MED13: variants seen among roughly 807,000 people sequenced by gnomAD.
MED13 encodes mediator of RNA polymerase II transcription subunit 13.
MED13 carries 23 observed loss-of-function variants against 225.2 expected under a neutral mutation model. The observed-to-expected ratio is 0.10, with a 90% CI of 0.07 to 0.14. The LOEUF is 0.14. MED13 is among the 10% of genes least tolerant of loss of function. The pLI is 1.00. For missense variants in MED13, 2,197 were observed against 2,594.5 expected (o/e 0.85, Z 3.33); for synonymous variants, 942 against 889.2 (o/e 1.06, Z -1.06).
At chr17:62,012,983 G>C (rs2080526475) in intron 8 of MED13, among the ~76,000 whole-genome samples, 1 of 151,870 alleles carries the variant, frequency 6.6e-6, no homozygotes, top group Non-Finnish European at 1.5e-5. Context: ...AGTAGAGACG[G>C]GGTTTCACCA....
At chr17:62,007,852 A>C (rs2080466256) in intron 9 of MED13, among the ~76,000 whole-genome samples, 1 of 151,702 alleles carries the variant, frequency 6.6e-6, no homozygotes, top group South Asian at 2.1e-4. Context: ...CGTCTCAAAA[A>C]ATAAAAAACA....
chr17:62,035,669 TTTTC>T, intron 3 of MED13, 61 bp from the exon 4 acceptor site: 1 of 1,500,434 alleles, frequency 6.7e-7, no homozygotes, highest in Non-Finnish European at 8.9e-7. Flanking sequence ...GTTAACTTGC[TTTTC>T]TTTATTAGGA....
chr17:61,993,674 A>G (rs2080322002), intron 10 of MED13, among the ~76,000 whole-genome samples: 1 of 151,484 alleles, frequency 6.6e-6, no homozygotes, highest in African/African-American at 2.4e-5. Flanking sequence ...TCACGCCTGT[A>G]ATCCCAGCAC....
intron 8 of MED13, among the ~76,000 whole-genome samples, chr17:62,021,254 AGT>A (rs2080641263): frequency 2.0e-5 from 3 of 149,062 alleles, no homozygotes; most frequent in African/African-American, 7.4e-5. Flanking sequence ...CTCACTTCCC[AGT>A]AGGGGCGGCC....
At chr17:61,956,221 TG>T in intron 24 of MED13, 117 bp downstream of exon 24, 1 of 1,000,714 alleles carries the variant, frequency 1.0e-6, no homozygotes, top group Admixed American at 2.8e-5. Flanking sequence ...TAGACATATG[TG>T]GTTCCTTATT....
intron 2 of MED13, among the ~76,000 whole-genome samples, chr17:62,062,866 G>A (rs1441832781): frequency 6.6e-6 from 1 of 152,032 alleles, no homozygotes; most frequent in Non-Finnish European, 1.5e-5. Context: ...AGTCATTCAC[G>A]CCTTAAAAAC....
chr17:61,983,855 A>C (rs1417048375), intron 15 of MED13, among the ~76,000 whole-genome samples: 2 of 151,858 alleles, frequency 1.3e-5, no homozygotes, highest in Non-Finnish European at 2.9e-5. Context: ...CAGCCTCCCA[A>C]GTAGCTGGGA....
chr17:61,986,962 T>C (rs2080253012), intron 12 of MED13, 45 bp downstream of exon 12: 1 of 1,339,332 alleles, frequency 7.5e-7, no homozygotes, highest in Non-Finnish European at 9.9e-7. Context: ...AATAATAAAA[T>C]CAAGGAAAAC....
chr17:62,061,305 G>T (rs2081037191), intron 2 of MED13, among the ~76,000 whole-genome samples: 1 of 151,790 alleles, frequency 6.6e-6, no homozygotes, highest in Non-Finnish European at 1.5e-5. Flanking sequence ...GATCACTAGA[G>T]TTCAGGAGTT....
chr17:61,952,804 T>G (rs2079907785), intron 27 of MED13, among the ~76,000 whole-genome samples, 161 bp downstream of exon 27: 2 of 152,098 alleles, frequency 1.3e-5, no homozygotes, highest in African/African-American at 4.8e-5. Flanking sequence ...ACCCGGCTAT[T>G]TTTTACATTT....
intron 8 of MED13, among the ~76,000 whole-genome samples, chr17:62,011,745 C>A (rs2080511277): frequency 6.6e-6 from 1 of 152,160 alleles, no homozygotes; most frequent in Admixed American, 6.6e-5. Context: ...CTAGAATTGA[C>A]TGATTGATGG....
chr17:62,033,998 G>T lies in MED13; in HGVS notation c.617-14C>A. ...GGCATAAGATAACTAGAAACCCAAA[G>T]CAGACATCAAATAAGTAACAAAAGA... is the stretch of plus-strand genomic sequence containing the variant. On this transcript the variant is annotated splice_polypyrimidine_tract_variant and intron_variant, in intron 4 of 29. Coordinates refer to ENST00000397786, the MANE Select transcript of MED13 (RefSeq NM_005121.3). 6.2e-7 allele frequency: 1 copy of T among 1,607,814 alleles called. No homozygotes were observed. Among genetic ancestry groups the T allele is most frequent in the Non-Finnish European group, 8.5e-7 (1 of 1,175,796 alleles).
Position 61,984,175 on chromosome 17 carries a change from C to T in MED13, c.2884G>A (p.Glu962Lys). Reference sequence around the variant, plus strand: ...TTGTAACAACATAAATCATACCCCTCTTTGATGAATGGCATTGAAGGCCCT... The same window carrying T: ...TTGTAACAACATAAATCATACCCCTTTTTGATGAATGGCATTGAAGGCCCT... The part of the protein sequence containing the change: ...SSGPSMPFIK[E>K]GDGSNMDQEY... The change falls in exon 15 of 30, where the codon GAG becomes AAG. Residue 962 changes from glutamate (E) to lysine (K), a missense_variant. By Grantham distance (56) the Glu-to-Lys change is moderately conservative. This residue lies in a region of MED13 where 160 missense variants were observed against 184.8 expected (regional missense o/e 0.87). Transcript: ENST00000397786. 1 of 1,557,268 alleles carries T rather than the reference C, an allele frequency of 6.4e-7. No individual in the cohort carries two copies.
chr17:61,966,324 T>C (rs930481140), intron 19 of MED13, 138 bp downstream of exon 19: 34 of 695,626 alleles, frequency 4.9e-5, no homozygotes, highest in African/African-American at 4.7e-4. Flanking sequence ...GCTCCAATGT[T>C]GTAGCACAAA....
Position 61,985,076 on chromosome 17 carries a change from T to C in MED13, c.2400A>G (p.Lys800=), listed in dbSNP as rs1181921133. ...CTTTATCATCTGATCCATTTGCTGA[T>C]TTTTTAGATCCAGGCTATTTAAAAA... ...DEDELTPGSK[K]SANGSDDKAS... The change falls in exon 13 of 30, where the codon AAA becomes AAG. Residue 800 remains lysine (K), a synonymous_variant. Transcript: ENST00000397786. 1.2e-6 allele frequency: 2 copies of C among 1,613,194 alleles called. No homozygotes were observed. Among genetic ancestry groups the C allele is most frequent in the African/African-American group, 2.7e-5 (2 of 74,898 alleles).
intron 11 of MED13, among the ~76,000 whole-genome samples, chr17:61,989,016 T>TC (rs1227856085): frequency 9.7e-6 from 1 of 102,604 alleles, no homozygotes; most frequent in East Asian, 2.3e-4. Flanking sequence ...GAATCCAGCT[T>TC]TTTTTTTTTT....
At chr17:61,960,781 A>G in intron 23 of MED13, 86 bp downstream of exon 23, 1 of 957,050 alleles carries the variant, frequency 1.0e-6, no homozygotes, top group Non-Finnish European at 1.5e-6. Context: ...TATATATAAA[A>G]CCTTCAAACT....
In MED13 at chr17:62,017,019, T is replaced by TATA. The variant is rs971439733; in HGVS notation, c.1284-5789_1284-5787dup. On this transcript the variant is annotated intron_variant, in intron 8 of 29. Coordinates refer to ENST00000397786, the MANE Select transcript of MED13 (RefSeq NM_005121.3). ...GAATGAGACTCCACCTCAAAAAATATATAATAATAATAATAAATAAATAAA... is the reference window on the plus strand; with the variant it reads ...GAATGAGACTCCACCTCAAAAAATATATAATAATAATAATAATAAATAAATAAA... Among the ~76,000 whole-genome samples the TATA allele has an allele frequency of 1.1e-4, 17 of 150,144 alleles. No individual in the cohort carries two copies. The East Asian group carries it at 1.2e-3, about 10-fold the overall frequency.
At chr17:62,015,867 A>ATG (rs754140011) in intron 8 of MED13, among the ~76,000 whole-genome samples, 11,963 of 77,002 alleles carry the variant, frequency 0.16, 1,628 homozygotes, top group East Asian at 0.35. Flanking sequence ...TATAGTGTGT[A>ATG]TGTGTGTGTG....
Sources: gnomAD v4.1 joint callset for allele counts (sites outside exome capture counted in the v4.1 genomes callset) on GRCh38, gnomAD v4.1.1 for gene constraint, gnomAD v4.1.1 regional missense constraint, MANE v1.5 for transcripts, NCBI Gene and HGNC (gene_info 2026-07-23, HGNC 2026-07-21) for gene names.